The following WDR41 variants were observed in gnomAD, a reference collection of about 807,000 sequenced individuals.
WDR41 encodes WD repeat domain 41.
WDR41 carries 63 observed loss-of-function variants against 69.3 expected under a neutral mutation model. That is an observed-to-expected ratio of 0.91 (90% CI 0.74 to 1.12). The LOEUF (loss-of-function observed/expected upper bound fraction) is 1.12, where lower values mean the gene tolerates loss of function less well. WDR41 is among the 50% of genes most tolerant of loss of function. The pLI, the probability that WDR41 is intolerant of heterozygous loss-of-function variation, is 0.00. For missense variants in WDR41, 543 were observed against 534.5 expected, an observed-to-expected ratio of 1.02 and a Z score of -0.16; for synonymous variants, 185 against 192.1, an observed-to-expected ratio of 0.96 and a Z score of 0.31.
intron 1 of WDR41, among the ~76,000 whole-genome samples, chr5:77,541,758 G>A (rs537972607): frequency 6.6e-6 from 1 of 152,246 alleles, no homozygotes; most frequent in Admixed American, 6.5e-5. Context: ...CTCCCAAAGT[G>A]TTGGGATTAG....
At chr5:77,619,724 G>C (rs11949672) in intron 1 of WDR41, among the ~76,000 whole-genome samples, 68,751 of 151,870 alleles carry the variant, frequency 0.45, 15,960 homozygotes, top group Non-Finnish European at 0.5. Flanking sequence ...ACTAGAGCTA[G>C]GAAAGGAAAA....
intron 2 of WDR41, among the ~76,000 whole-genome samples, chr5:77,466,982 G>A (rs1175609675): frequency 6.6e-6 from 1 of 151,590 alleles, no homozygotes; most frequent in Non-Finnish European, 1.5e-5. Flanking sequence ...TATTATGATG[G>A]ATAACAAAAA....
intron 2 of WDR41, among the ~76,000 whole-genome samples, chr5:77,473,484 A>C (rs1561753318): frequency 6.6e-6 from 1 of 152,218 alleles, no homozygotes; most frequent in Non-Finnish European, 1.5e-5. Flanking sequence ...AAGCAAAAGA[A>C]ACTACCATCA....
chr5:77,618,446 C>T (rs1349915395), intron 1 of WDR41, among the ~76,000 whole-genome samples: 6 of 152,036 alleles, frequency 3.9e-5, no homozygotes, highest in Non-Finnish European at 2.9e-5. Flanking sequence ...GATCTCAGCT[C>T]ACTGCAACCT....
At chr5:77,526,740 G>T (rs149296946) in intron 1 of WDR41, among the ~76,000 whole-genome samples, 7 of 152,090 alleles carry the variant, frequency 4.6e-5, no homozygotes, top group Middle Eastern at 3.4e-3. Context: ...CATTAAAAAG[G>T]CCTTTTTATA....
At chr5:77,615,414 T>C (rs564985515) in intron 1 of WDR41, among the ~76,000 whole-genome samples, 2 of 152,168 alleles carry the variant, frequency 1.3e-5, no homozygotes, top group African/African-American at 4.8e-5. Flanking sequence ...TTTTTTAAAA[T>C]GGGAAAAAGA....
intron 2 of WDR41, among the ~76,000 whole-genome samples, chr5:77,485,167 TA>T (rs1279532562): frequency 1.3e-5 from 2 of 152,156 alleles, no homozygotes; most frequent in Non-Finnish European, 2.9e-5. Flanking sequence ...TTCTCTCTTA[TA>T]AACCTATTGC....
intron 5 of WDR41, among the ~76,000 whole-genome samples, chr5:77,454,782 C>G (rs139654292): frequency 1.8e-4 from 28 of 152,296 alleles, no homozygotes; most frequent in African/African-American, 6.0e-4. Flanking sequence ...TGAAAATAAC[C>G]AATGCAGTTT....
At chr5:77,508,676 A>G (rs964011031) in intron 1 of WDR41, among the ~76,000 whole-genome samples, 2 of 152,038 alleles carry the variant, frequency 1.3e-5, no homozygotes, top group African/African-American at 2.4e-5. Flanking sequence ...AAAGCTGAAC[A>G]TTTTTGGTAA....
At chr5:77,615,529 T>C (rs903708410) in intron 1 of WDR41, among the ~76,000 whole-genome samples, 9 of 152,006 alleles carry the variant, frequency 5.9e-5, no homozygotes, top group African/African-American at 2.2e-4. Flanking sequence ...ATGTTTGAAG[T>C]ATTTTATAAT....
intron 1 of WDR41, among the ~76,000 whole-genome samples, chr5:77,607,071 G>A (rs1230445401): frequency 6.6e-6 from 1 of 151,936 alleles, no homozygotes; most frequent in Non-Finnish European, 1.5e-5. Context: ...TAGTACACAT[G>A]GAGAGAAAAG....
intron 2 of WDR41, among the ~76,000 whole-genome samples, chr5:77,468,412 T>C (rs1251144663): frequency 1.3e-5 from 2 of 152,078 alleles, no homozygotes; most frequent in African/African-American, 4.8e-5. Flanking sequence ...AATAATTCCC[T>C]CTAAACATCT....
rs1488196796 is a variant in WDR41 at position 77,582,318 on chromosome 5, A to G, written c.42+38161T>C. ...AGTAGACAATATGCATAGATATATA[A>G]CAAGTTAACAAGTGCAGAGTACGCA... On this transcript the variant is annotated intron_variant, in intron 1 of 5. Coordinates refer to the WDR41 transcript ENST00000509971. 4.0e-6 allele frequency: 6 copies of G among 1,498,040 alleles called. No individual in the cohort carries two copies. The African/African-American group carries it at 5.5e-5, about 14-fold the overall frequency. The allele number at this position is 1,498,040 out of a possible 1,614,324, so 92.8% of individuals were successfully genotyped here.
At chr5:77,569,261 T>C (rs753836311) in intron 1 of WDR41, among the ~76,000 whole-genome samples, 6 of 152,200 alleles carry the variant, frequency 3.9e-5, no homozygotes, top group Non-Finnish European at 7.3e-5. Flanking sequence ...AATAAAATGT[T>C]TGTTAATGTT....
intron 1 of WDR41, among the ~76,000 whole-genome samples, chr5:77,620,190 C>G (rs1744754124): frequency 6.6e-6 from 1 of 152,154 alleles, no homozygotes; most frequent in African/African-American, 2.4e-5. Context: ...TTTCCTGAAA[C>G]TGCAGAATGC....
At chr5:77,607,434 C>G (rs1230997034) in intron 1 of WDR41, among the ~76,000 whole-genome samples, 1 of 152,184 alleles carries the variant, frequency 6.6e-6, no homozygotes, top group Admixed American at 6.5e-5. Flanking sequence ...ACAGGGAAAG[C>G]AAGAGGTAGA....
At chr5:77,534,642 C>A (rs541926007) in intron 1 of WDR41, among the ~76,000 whole-genome samples, 24 of 152,232 alleles carry the variant, frequency 1.6e-4, no homozygotes, top group African/African-American at 4.8e-4. Flanking sequence ...CTATGTTGCC[C>A]AGGCTGGTCT....
intron 7 of WDR41, among the ~76,000 whole-genome samples, chr5:77,450,282 C>T (rs975018774): frequency 6.6e-6 from 1 of 152,200 alleles, no homozygotes; most frequent in African/African-American, 2.4e-5. Context: ...GAATAAGCTG[C>T]AAATCCAAGT....
At chr5:77,455,285 G>A (rs1314492963) in intron 5 of WDR41, among the ~76,000 whole-genome samples, 1 of 151,998 alleles carries the variant, frequency 6.6e-6, no homozygotes, top group Non-Finnish European at 1.5e-5. Context: ...TATCTTCTTT[G>A]GAGAAATTTC....
Sources: allele counts gnomAD v4.1 joint callset (sites outside exome capture counted in the v4.1 genomes callset), GRCh38; gene constraint gnomAD v4.1.1; transcripts MANE v1.5; gene names NCBI Gene and HGNC (gene_info 2026-07-23, HGNC 2026-07-21).